Variants in TRAPPC9 observed in about 807,000 individuals in gnomAD.
TRAPPC9 encodes the protein IKK2 binding protein.
Under a neutral mutation model 124.0 loss-of-function variants are expected in TRAPPC9, and 83 were observed. The observed-to-expected ratio is 0.67, with a 90% CI of 0.56 to 0.80. TRAPPC9 has a LOEUF of 0.80. Among genes scored for constraint, TRAPPC9 ranks in the 30% least tolerant of loss-of-function variants. The probability of loss-of-function intolerance (pLI) is 0.00; values close to 1 mark genes in which losing one functional copy is unlikely to be tolerated. For synonymous variants in TRAPPC9, 638 were observed against 617.5 expected, an observed-to-expected ratio of 1.03 and a Z score of -0.49; for missense variants, 1,302 against 1,508.3, an observed-to-expected ratio of 0.86 and a Z score of 2.27.
At chr8:139,979,817 G>A (rs1372172910) in intron 19 of TRAPPC9, among the ~76,000 whole-genome samples, 1 of 152,164 alleles carries the variant, frequency 6.6e-6, no homozygotes, top group Non-Finnish European at 1.5e-5. Flanking sequence ...ACCCAGGACA[G>A]AGCTGGCCTA....
At chr8:139,948,753 G>A (rs1276152055) in intron 19 of TRAPPC9, among the ~76,000 whole-genome samples, 1 of 152,170 alleles carries the variant, frequency 6.6e-6, no homozygotes, top group Non-Finnish European at 1.5e-5. Context: ...GGGTGAGCCT[G>A]TCAACCAAGC....
chr8:140,409,662 G>C (rs1434636609), intron 5 of TRAPPC9, among the ~76,000 whole-genome samples: 1 of 152,158 alleles, frequency 6.6e-6, no homozygotes, highest in Non-Finnish European at 1.5e-5. Flanking sequence ...GATATGGACT[G>C]ATCTCCAGGA....
rs1281966271 is a variant in TRAPPC9, at chr8:140,216,493, G to A, written c.2556+4966C>T. Among the ~76,000 whole-genome samples, 1 of 152,136 alleles carries A rather than the reference G, an allele frequency of 6.6e-6. No individual in the cohort carries two copies. The highest frequency in any genetic ancestry group is 1.9e-4 in the East Asian group (1 of 5,186). ...GAGACACAGAAAAAATCCTCTTCTT[G>A]TCTAACAGAGTACCTCAAATGTGAG... On this transcript the variant is annotated intron_variant, in intron 17 of 22. Transcript: ENST00000438773. The surrounding 1 kb of genome is among the most constrained non-coding windows in gnomAD (Gnocchi z 4.1).
intron 17 of TRAPPC9, among the ~76,000 whole-genome samples, chr8:140,149,123 G>A (rs2061503318): frequency 6.6e-6 from 1 of 152,108 alleles, no homozygotes; most frequent in Admixed American, 6.6e-5. Context: ...CAGGTGGCAG[G>A]ACAAGCATCC....
At chr8:140,328,560 T>C (rs2066801572) in intron 9 of TRAPPC9, among the ~76,000 whole-genome samples, 2 of 152,004 alleles carry the variant, frequency 1.3e-5, no homozygotes, top group Non-Finnish European at 2.9e-5. Context: ...ACAAGAATGA[T>C]ACAATGGACT....
Position 140,451,045 on chromosome 8 carries a change from A to T in TRAPPC9, c.329T>A (p.Leu110Gln). The change falls in exon 2 of 23, where the codon CTG becomes CAG. Residue 110 changes from leucine to glutamine, a missense_variant. By Grantham distance (113) the Leu-to-Gln change is moderately radical. Transcript: ENST00000438773. ...HVQKEIYGST[L>Q]YDSRLFVFGL... ...GAAGACAAAGAGCCGGGAGTCATAC[A>T]GTGTGGAGCCGTAGATCTCCTTCTG... The T allele has an allele frequency of 6.2e-7, 1 of 1,614,106 alleles. No homozygotes were observed. The highest frequency in any genetic ancestry group is 8.5e-7 in the Non-Finnish European group (1 of 1,180,024).
At chr8:139,890,191 C>T (rs1830248106) in intron 20 of TRAPPC9, among the ~76,000 whole-genome samples, 1 of 152,250 alleles carries the variant, frequency 6.6e-6, no homozygotes, top group Non-Finnish European at 1.5e-5. Context: ...TTTGGATGTC[C>T]GGGGTGTTTG....
intron 16 of TRAPPC9, among the ~76,000 whole-genome samples, chr8:140,225,833 G>A (rs150805415): frequency 8.6e-4 from 131 of 152,216 alleles, no homozygotes; most frequent in African/African-American, 2.8e-3. Context: ...CACAGGACCC[G>A]TAATACAGCC....
intron 21 of TRAPPC9, among the ~76,000 whole-genome samples, chr8:139,799,215 AT>A (rs796122643): frequency 2.3e-4 from 35 of 149,636 alleles, no homozygotes; most frequent in Admixed American, 8.0e-4. Flanking sequence ...AAAACCTATC[AT>A]TTTTTTTTTC....
chr8:140,223,088 G>A (rs942557768), intron 16 of TRAPPC9, among the ~76,000 whole-genome samples: 1 of 152,096 alleles, frequency 6.6e-6, no homozygotes, highest in African/African-American at 2.4e-5. Context: ...GTGTGCCATG[G>A]TGGTTTGCTG....
intron 17 of TRAPPC9, among the ~76,000 whole-genome samples, chr8:140,042,193 C>T (rs1167045603): frequency 7.7e-6 from 1 of 130,668 alleles, no homozygotes; most frequent in African/African-American, 3.2e-5. Context: ...GCAACTTAGC[C>T]CAAAAAAGTG....
chr8:140,087,906 C>T lies in TRAPPC9; in HGVS notation c.2557-63827G>A, dbSNP rs1844304052. Reference sequence around the variant, plus strand: ...CAAGGTCCTGGAGAGCAGGCTTCAGCTCCCAGCTCCTCCATTACCACGTGG... The same window carrying T: ...CAAGGTCCTGGAGAGCAGGCTTCAGTTCCCAGCTCCTCCATTACCACGTGG... On this transcript the variant is annotated intron_variant, in intron 17 of 22. Coordinates refer to ENST00000438773, the MANE Select transcript of TRAPPC9 (RefSeq NM_001160372.4). This position sits in a 1 kb window ranked among gnomAD's most constrained non-coding sequence, Gnocchi z 4.6. 6.6e-6 allele frequency among the ~76,000 whole-genome samples: 1 copy of T among 152,126 alleles called. No homozygotes were observed. Among genetic ancestry groups the T allele is most frequent in the Non-Finnish European group, 1.5e-5 (1 of 68,036 alleles).
At chr8:139,809,686 A>G (rs997451308) in intron 21 of TRAPPC9, among the ~76,000 whole-genome samples, 1 of 151,924 alleles carries the variant, frequency 6.6e-6, no homozygotes, top group Non-Finnish European at 1.5e-5. Context: ...ATTCTCTCTT[A>G]AGGAGTCCCC....
intron 10 of TRAPPC9, among the ~76,000 whole-genome samples, chr8:140,308,850 C>T (rs1323445996): frequency 6.6e-6 from 1 of 151,240 alleles, no homozygotes; most frequent in Admixed American, 6.6e-5. Context: ...CACTGCACTC[C>T]AGCCTGGGCA....
intron 17 of TRAPPC9, among the ~76,000 whole-genome samples, chr8:140,070,189 C>T (rs1266123188): frequency 6.6e-6 from 1 of 152,188 alleles, no homozygotes; most frequent in Non-Finnish European, 1.5e-5. Flanking sequence ...AAGTTGTTCT[C>T]GTATTTGCTA....
chr8:140,087,463 G>C lies in TRAPPC9; in HGVS notation c.2557-63384C>G, dbSNP rs762807549. On this transcript the variant is annotated intron_variant, in intron 17 of 22. Coordinates refer to ENST00000438773, the MANE Select transcript of TRAPPC9 (RefSeq NM_001160372.4). The surrounding 1 kb of genome is among the most constrained non-coding windows in gnomAD (Gnocchi z 4.6). ...TCCCGCACAGCCCCGCTGAAGAGCC[G>C]AACGGTGCTCACACATGACTCGCCT... Among the ~76,000 whole-genome samples, 1 of 152,124 alleles carries C rather than the reference G, an allele frequency of 6.6e-6. No individual in the cohort carries two copies. The highest frequency in any genetic ancestry group is 2.1e-4 in the South Asian group (1 of 4,828).
intron 7 of TRAPPC9, among the ~76,000 whole-genome samples, chr8:140,394,715 C>T (rs1301254000): frequency 6.6e-6 from 1 of 152,196 alleles, no homozygotes; most frequent in Non-Finnish European, 1.5e-5. Context: ...AACAAAACTG[C>T]TATGATCCCC....
intron 9 of TRAPPC9, among the ~76,000 whole-genome samples, chr8:140,358,388 G>A (rs1325646896): frequency 6.6e-6 from 1 of 152,140 alleles, no homozygotes; most frequent in East Asian, 1.9e-4. Flanking sequence ...TGTATTTTTA[G>A]TAGACACGGG....
In TRAPPC9 at chr8:139,788,728, C is replaced by A. The variant is rs1310690359; in HGVS notation, c.3056-56526G>T. Among the ~76,000 whole-genome samples the A allele has an allele frequency of 6.6e-6, 1 of 152,228 alleles. No homozygotes were observed. Among genetic ancestry groups the A allele is most frequent in the Admixed American group, 6.5e-5 (1 of 15,286 alleles). ...TCACGCCTGCCTTCGTGGGCGCAGG[C>A]TGAGCACAAGGTCCACAGCCCTCCC... On this transcript the variant is annotated intron_variant, in intron 21 of 22. Coordinates refer to ENST00000438773, the MANE Select transcript of TRAPPC9 (RefSeq NM_001160372.4). The surrounding 1 kb of genome is among the most constrained non-coding windows in gnomAD (Gnocchi z 4.9).
Sources: allele counts gnomAD v4.1 joint callset (sites outside exome capture counted in the v4.1 genomes callset), GRCh38; gene constraint gnomAD v4.1.1; non-coding constraint Gnocchi (gnomAD v3.1); transcripts MANE v1.5; gene names NCBI Gene and HGNC (gene_info 2026-07-23, HGNC 2026-07-21).